Variants in GDF10 observed in about 807,000 individuals in gnomAD.
The protein encoded by GDF10 is growth/differentiation factor 10.
A neutral mutation model predicts 32.1 loss-of-function variants in GDF10; 23 were observed. The observed-to-expected ratio is 0.72, with a 90% CI of 0.52 to 1.02. The LOEUF (loss-of-function observed/expected upper bound fraction) is 1.02, where lower values mean the gene tolerates loss of function less well. Ranked by LOEUF, GDF10 falls within the 50% of genes least tolerant of loss-of-function variation. The pLI is 0.00. For missense variants in GDF10, 764 were observed against 673.9 expected (o/e 1.13, Z -1.48); for synonymous variants, 328 against 303.1 (o/e 1.08, Z -0.85).
intron 2 of GDF10, among the ~76,000 whole-genome samples, chr10:47,312,132 A>G (rs1262897567): frequency 6.6e-6 from 1 of 152,214 alleles, no homozygotes; most frequent in African/African-American, 2.4e-5. Context: ...AGCCTGTCAC[A>G]CTGCCACGCA....
chr10:47,307,018 G>C (rs1305763472), intron 1 of GDF10, among the ~76,000 whole-genome samples: 5 of 152,140 alleles, frequency 3.3e-5, no homozygotes. Flanking sequence ...CACACCGGGG[G>C]CCTCGCTTGG....
chr10:47,309,328 T>G (rs2061034241), intron 1 of GDF10, among the ~76,000 whole-genome samples: 1 of 152,204 alleles, frequency 6.6e-6, no homozygotes, highest in Non-Finnish European at 1.5e-5. Context: ...AAAAACTGAT[T>G]GCATAAATAG....
At position 47,300,313 on chromosome 10, in the gene GDF10, G is replaced by C. The variant is rs971225086; in HGVS notation, c.-339G>C. ...AGGGCGCAGCCGGCCGCCCCGCCCC[G>C]CCCCTCGAAGCAGCCGGGCCGGGCG... is the stretch of plus-strand genomic sequence containing the variant. On this transcript the variant is annotated 5_prime_UTR_variant, in exon 1 of 3. Transcript: ENST00000580279. 1.4e-5 allele frequency: 3 copies of C among 219,144 alleles called. No homozygotes were observed. Among genetic ancestry groups the C allele is most frequent in the South Asian group, 1.8e-4 (1 of 5,420 alleles). 13.6% of individuals were successfully genotyped at this position (219,144 alleles called of 1,614,324 possible).
chr10:47,308,707 C>G lies in GDF10; in HGVS notation c.320-1089C>G, dbSNP rs533573993. Among the ~76,000 whole-genome samples, 160 of 152,232 alleles carry G rather than the reference C, an allele frequency of 1.1e-3. 1 individual carries two copies. Among genetic ancestry groups the G allele is most frequent in the African/African-American group, 3.8e-3 (156 of 41,528 alleles). On this transcript the variant is annotated intron_variant, in intron 1 of 2. Coordinates refer to ENST00000580279, the MANE Select transcript of GDF10 (RefSeq NM_004962.5). ...GACGTTCCCCAGCAGAAGGACACTT[C>G]GTTGTCAGGAAATGAAGCAGTGGAA...
intron 1 of GDF10, among the ~76,000 whole-genome samples, chr10:47,302,641 C>A (rs2061008787): frequency 6.6e-6 from 1 of 152,188 alleles, no homozygotes; most frequent in Non-Finnish European, 1.5e-5. Flanking sequence ...TATCTCAAAT[C>A]CAGCACTCCC....
At chr10:47,307,149 T>G (rs2061025976) in intron 1 of GDF10, among the ~76,000 whole-genome samples, 2 of 152,030 alleles carry the variant, frequency 1.3e-5, no homozygotes, top group South Asian at 4.1e-4. Flanking sequence ...GTCTCCCCTC[T>G]AGGCTGAACT....
In GDF10 at chr10:47,310,302, C is replaced by T; in HGVS notation, c.826C>T (p.Pro276Ser). The T allele has an allele frequency of 3.7e-6, 6 of 1,607,612 alleles. No individual in the cohort carries two copies. The highest frequency in any genetic ancestry group is 4.2e-6 in the Non-Finnish European group (5 of 1,177,376). ...CCCCTTCCCTGCCGGAGACCCCGAGCCCCGCGCAGCCCCCAACAACTCAGC... is the reference window on the plus strand; with the variant it reads ...CCCCTTCCCTGCCGGAGACCCCGAGTCCCGCGCAGCCCCCAACAACTCAGC... ...YDPFPAGDPE[P>S]RAAPNNSADP... Residue 276 changes from proline (P) to serine (S), a missense_variant, in exon 2 of 3, where the codon CCC becomes TCC. By Grantham distance (74) the Pro-to-Ser change is moderately conservative. Transcript: ENST00000580279.
chr10:47,302,137 G>A (rs554437344), intron 1 of GDF10, among the ~76,000 whole-genome samples: 2 of 152,296 alleles, frequency 1.3e-5, no homozygotes, highest in South Asian at 4.1e-4. Flanking sequence ...CATTTCTTGA[G>A]GAACGTTATT....
At chr10:47,303,465 A>C (rs1239442227) in intron 1 of GDF10, among the ~76,000 whole-genome samples, 1 of 151,792 alleles carries the variant, frequency 6.6e-6, no homozygotes, top group African/African-American at 2.4e-5. Context: ...AGTTTTTTTC[A>C]CTTCTAAAAT....
intron 1 of GDF10, among the ~76,000 whole-genome samples, chr10:47,301,536 T>C (rs1012057178): frequency 2.6e-5 from 4 of 152,202 alleles, no homozygotes; most frequent in African/African-American, 9.7e-5. Context: ...GCCCAGGGGC[T>C]TAGGCAGTGG....
chr10:47,309,900 T>A lies in GDF10; in HGVS notation c.424T>A (p.Trp142Arg). ...CCACTTCTACTCAGAGCCGCCTCGG[T>A]GGCCTCGAGCGCTCGAGGTGCTATG... The part of the protein sequence containing the change: ...TFHFYSEPPR[W>R]PRALEVLCKP... Residue 142 changes from tryptophan (W) to arginine (R), a missense_variant, in exon 2 of 3, where the codon TGG (tryptophan) becomes AGG (arginine). Physicochemically the swap from Trp to Arg is moderately radical, Grantham distance 101. Coordinates refer to ENST00000580279, the MANE Select transcript of GDF10 (RefSeq NM_004962.5). The A allele has an allele frequency of 6.2e-7, 1 of 1,612,874 alleles. No homozygotes were observed. Among genetic ancestry groups the A allele is most frequent in the South Asian group, 1.1e-5 (1 of 91,020 alleles).
chr10:47,300,803 A>G lies in GDF10; in HGVS notation c.152A>G (p.Gln51Arg). ...CTGCCCGCGGCCGCCGACGGCCTGC[A>G]GGGGGACAGGGATCTCCAGCGGCAC... ...SALPAAADGLQGDRDLQRHPG... is the reference protein window; with the variant it reads ...SALPAAADGLRGDRDLQRHPG... The change falls in exon 1 of 3, where the codon CAG (glutamine) becomes CGG (arginine). Residue 51 changes from glutamine to arginine, a missense_variant. By Grantham distance (43) the Gln-to-Arg change is conservative. Transcript: ENST00000580279. 1 of 1,568,338 alleles carries G rather than the reference A, an allele frequency of 6.4e-7. No individual in the cohort carries two copies. Among genetic ancestry groups the G allele is most frequent in the East Asian group, 2.3e-5 (1 of 42,824 alleles).
chr10:47,301,033 C>G, intron 1 of GDF10, 63 bp downstream of exon 1: 1 of 1,124,634 alleles, frequency 8.9e-7, no homozygotes, highest in South Asian at 1.7e-5. Context: ...TTTTCTGTCT[C>G]CCCACCCGTG....
chr10:47,306,445 T>C (rs1555207207), intron 1 of GDF10, among the ~76,000 whole-genome samples: 1 of 152,198 alleles, frequency 6.6e-6, no homozygotes, highest in African/African-American at 2.4e-5. Flanking sequence ...CACACTTCTC[T>C]TGTGCCCACT....
intron 1 of GDF10, among the ~76,000 whole-genome samples, chr10:47,304,005 TAAG>T (rs1236308467): frequency 6.6e-6 from 1 of 151,904 alleles, no homozygotes; most frequent in Non-Finnish European, 1.5e-5. Flanking sequence ...GGGTGGCATA[TAAG>T]AAGGAGGGCA....
intron 1 of GDF10, 33 bp from the exon 2 acceptor site, chr10:47,309,763 C>G (rs782000586): frequency 2.0e-6 from 3 of 1,502,926 alleles, no homozygotes; most frequent in African/African-American, 1.4e-5. Flanking sequence ...CGAGCGAGAA[C>G]TTCACAGCCT....
intron 1 of GDF10, among the ~76,000 whole-genome samples, chr10:47,306,385 A>C (rs539676972): frequency 6.6e-6 from 1 of 152,294 alleles, no homozygotes; most frequent in African/African-American, 2.4e-5. Context: ...TGGTTACTGC[A>C]CTCTAGGGAA....
intron 1 of GDF10, among the ~76,000 whole-genome samples, chr10:47,308,900 ATGC>A (rs1555207323): frequency 6.6e-6 from 1 of 152,166 alleles, no homozygotes; most frequent in African/African-American, 2.4e-5. Context: ...CACAATACTC[ATGC>A]TGCTGCCAAG....
intron 1 of GDF10, among the ~76,000 whole-genome samples, chr10:47,303,339 C>G (rs913539082): frequency 1.7e-4 from 26 of 152,200 alleles, no homozygotes; most frequent in African/African-American, 5.8e-4. Context: ...GTAACTATAC[C>G]TCCCCCGCCA....
Sources: gnomAD v4.1 joint callset for allele counts (sites outside exome capture counted in the v4.1 genomes callset) on GRCh38, gnomAD v4.1.1 for gene constraint, MANE v1.5 for transcripts, NCBI Gene and HGNC (gene_info 2026-07-23, HGNC 2026-07-21) for gene names.